The following TYRO3 variants were observed in gnomAD, a reference collection of about 807,000 sequenced individuals.
TYRO3 encodes the protein TYRO3 protein tyrosine kinase, also known as tyrosine-protein kinase receptor TYRO3.
In TYRO3, 38 loss-of-function variants were observed where a neutral mutation model predicts 95.2. The ratio of observed to expected loss-of-function variants is 0.40; its 90% CI spans 0.31 to 0.52. The LOEUF (loss-of-function observed/expected upper bound fraction) is 0.52, where lower values mean the gene tolerates loss of function less well. Among genes scored for constraint, TYRO3 ranks in the 20% least tolerant of loss-of-function variants. The pLI is 0.56. For missense variants in TYRO3, 812 were observed against 1,116.4 expected (o/e 0.73, Z 3.89); for synonymous variants, 367 against 432.9 (o/e 0.85, Z 1.89).
At chr15:41,562,233 C>G in intron 3 of TYRO3, 1 of 236,362 alleles carries the variant, frequency 4.2e-6, no homozygotes, top group Non-Finnish European at 8.1e-6. Context: ...TGCCTGTAGT[C>G]CCAGCTACTC....
intron 6 of TYRO3, among the ~76,000 whole-genome samples, chr15:41,565,728 C>T (rs147416926): frequency 3.5e-4 from 53 of 151,982 alleles, no homozygotes; most frequent in Non-Finnish European, 4.3e-4. Context: ...CACACCCAGA[C>T]GAGTTTTTCT....
Position 41,561,521 on chromosome 15 carries a change from C to G in TYRO3, c.309-18C>G. 1 of 1,561,600 alleles carries G rather than the reference C, an allele frequency of 6.4e-7. No individual in the cohort carries two copies. The highest frequency in any genetic ancestry group is 8.7e-7 in the Non-Finnish European group (1 of 1,152,920). ...CGCCCTTGCCCTCGGAAGCAAGCCT[C>G]GTATCCTGTTTCCACAGCCTGAAGT... On this transcript the variant is annotated intron_variant, in intron 2 of 18. Coordinates refer to ENST00000263798, the MANE Select transcript of TYRO3 (RefSeq NM_006293.4).
At position 41,570,246 on chromosome 15, in the gene TYRO3, C is replaced by T. The variant is rs1330086596; in HGVS notation, c.1389C>T (p.Ala463=). ...KRRKETRFGQ[A]FDSVMARGEP... is the part of the protein sequence containing the mutation. The stretch of plus-strand genomic sequence containing the variant: ...ATCCTGGGTTTTCCTTTAGGCAAGC[C>T]TTTGACAGTGTCATGGCCCGGGGAG... The change falls in exon 11 of 19, where the codon GCC becomes GCT. Residue 463 remains alanine, a synonymous_variant. Transcript: ENST00000263798. 1.9e-6 allele frequency: 3 copies of T among 1,613,380 alleles called. No homozygotes were observed. Among genetic ancestry groups the T allele is most frequent in the Non-Finnish European group, 2.5e-6 (3 of 1,179,648 alleles).
chr15:41,573,004 C>T lies in TYRO3; in HGVS notation c.1878C>T (p.Asn626=), dbSNP rs1231238709. The T allele has an allele frequency of 2.6e-5, 42 of 1,613,778 alleles. No individual in the cohort carries two copies. The highest frequency in any genetic ancestry group is 3.5e-5 in the Non-Finnish European group (41 of 1,179,776). The change falls in exon 16 of 19, where the codon AAC becomes AAT. Residue 626 remains asparagine, a splice_region_variant and synonymous_variant. Transcript: ENST00000263798. ...LASRIGENPF[N]LPLQTLIRFM... is the part of the protein sequence containing the mutation. ...AGCTTGGCCTGTCTGTCCACTAGAACCTACCCCTCCAGACCCTGATCCGGT... is the reference window on the plus strand; with the variant it reads ...AGCTTGGCCTGTCTGTCCACTAGAATCTACCCCTCCAGACCCTGATCCGGT...
chr15:41,562,515 C>A lies in TYRO3; in HGVS notation c.410-33C>A. On this transcript the variant is annotated intron_variant, in intron 3 of 18. Transcript: ENST00000263798. ...TGTACAGTAGGAAGCCAAGAGGTGGCAGGGCTCACTCCTCACTCCCCTTCT... is the reference window on the plus strand; with the variant it reads ...TGTACAGTAGGAAGCCAAGAGGTGGAAGGGCTCACTCCTCACTCCCCTTCT... 2.7e-6 allele frequency: 4 copies of A among 1,500,246 alleles called. No individual in the cohort carries two copies. In the East Asian group the frequency reaches 9.1e-5, roughly 34 times the overall value. The allele number at this position is 1,500,246 out of a possible 1,614,324, so 92.9% of individuals were successfully genotyped here. A position where few individuals can be genotyped will look rare whatever the true frequency, so the allele number is the denominator to read the frequency against.
At chr15:41,568,768 A>C in intron 8 of TYRO3, 110 bp from the exon 9 acceptor site, 1 of 1,311,210 alleles carries the variant, frequency 7.6e-7, no homozygotes, top group East Asian at 2.5e-5. Context: ...CTGAACCCAC[A>C]GTGCCCCTAT....
chr15:41,578,335 G>C lies in TYRO3; in HGVS notation c.*59G>C, dbSNP rs758857440. On this transcript the variant is annotated 3_prime_UTR_variant, in exon 19 of 19. Transcript: ENST00000263798. Reference sequence around the variant, plus strand: ...GGCTCTGGTGGCCACTGAGCTGGCTGACTAAGCCCCGTCTGACCCCAGCCC... The same window carrying C: ...GGCTCTGGTGGCCACTGAGCTGGCTCACTAAGCCCCGTCTGACCCCAGCCC... 1.2e-6 allele frequency: 2 copies of C among 1,600,402 alleles called. No homozygotes were observed.
Position 41,569,001 on chromosome 15 carries a change from G to A in TYRO3, c.1231G>A (p.Val411Ile). The change falls in exon 9 of 19, where the codon GTC (valine) becomes ATC (isoleucine). Residue 411 changes from valine (V) to isoleucine (I), a missense_variant. Val to Ile is a conservative substitution (Grantham distance 29, BLOSUM62 3). Transcript: ENST00000263798. ...GCGPWSQPLV[V>I]SSHDRAGQQG... is the part of the protein sequence containing the mutation. Reference sequence around the variant, plus strand: ...TGGACCCTGGAGTCAGCCACTGGTGGTCTCTTCTCATGACCGTGCAGGTGA... The same window carrying A: ...TGGACCCTGGAGTCAGCCACTGGTGATCTCTTCTCATGACCGTGCAGGTGA... 1 of 1,614,116 alleles carries A rather than the reference G, an allele frequency of 6.2e-7. No homozygotes were observed. The highest frequency in any genetic ancestry group is 8.5e-7 in the Non-Finnish European group (1 of 1,180,028).
chr15:41,560,393 A>ATGTGTGTGTGTGTG (rs369495054), intron 1 of TYRO3, among the ~76,000 whole-genome samples: 2,099 of 120,236 alleles, frequency 0.017, 19 homozygotes, highest in Non-Finnish European at 0.022. Flanking sequence ...AGGTGCGTGT[A>ATGTGTGTGTGTGTG]TGTGTGTGTG....
In TYRO3 at chr15:41,570,390, A is replaced by G. The variant is rs770016528; in HGVS notation, c.1483+50A>G. ...GGACAAATGGGCTGTCTTGTGCCCC[A>G]TCTGCATTCTTTTACCAAATTATTA... On this transcript the variant is annotated intron_variant, in intron 11 of 18. Coordinates refer to ENST00000263798, the MANE Select transcript of TYRO3 (RefSeq NM_006293.4). 7.7e-6 allele frequency: 11 copies of G among 1,420,542 alleles called. No individual in the cohort carries two copies. The East Asian group carries it at 2.5e-4, about 33-fold the overall frequency. 88.0% of individuals were successfully genotyped at this position (1,420,542 alleles called of 1,614,324 possible).
In TYRO3 at chr15:41,580,980, C is replaced by T. The variant is rs1409811599; in HGVS notation, c.*2704C>T. The T allele has an allele frequency of 2.0e-5, 3 of 151,768 alleles. No individual in the cohort carries two copies. The highest frequency in any genetic ancestry group is 7.3e-5 in the African/African-American group (3 of 41,326). 9.4% of individuals were successfully genotyped at this position (151,768 alleles called of 1,614,324 possible). On this transcript the variant is annotated 3_prime_UTR_variant, in exon 19 of 19. Coordinates refer to ENST00000263798, the MANE Select transcript of TYRO3 (RefSeq NM_006293.4). ...CTGAGGCGGGTGGATCACTTCAGGC[C>T]GGGAGTTCGAGACCAGCCTGGGCAA...
At position 41,573,480 on chromosome 15, in the gene TYRO3, GC is replaced by G. The variant is rs767901157; in HGVS notation, c.2145+16del. 6.2e-7 allele frequency: 1 copy of G among 1,614,122 alleles called. No individual in the cohort carries two copies. Among genetic ancestry groups the G allele is most frequent in the South Asian group, 1.1e-5 (1 of 91,072 alleles). On this transcript the variant is annotated intron_variant, in intron 17 of 18. Coordinates refer to ENST00000263798, the MANE Select transcript of TYRO3 (RefSeq NM_006293.4). The stretch of plus-strand genomic sequence containing the variant: ...GCAGAGTGACGTGGTGAGCAGGGTG[GC>G]CCGTGAAGCTTGGTGGGGACGAGTG...
chr15:41,572,812 G>A (rs1436363472), intron 15 of TYRO3, among the ~76,000 whole-genome samples, 190 bp from the exon 16 acceptor site: 1 of 152,216 alleles, frequency 6.6e-6, no homozygotes, highest in African/African-American at 2.4e-5. Flanking sequence ...CCCAGGGTGG[G>A]GGAGTCTCGT....
chr15:41,568,470 C>A, intron 8 of TYRO3, 108 bp downstream of exon 8: 1 of 1,162,656 alleles, frequency 8.6e-7, no homozygotes, highest in Non-Finnish European at 1.2e-6. Flanking sequence ...CTGGGTCTCC[C>A]GCAGCCCCAG....
chr15:41,571,149 AT>A, intron 13 of TYRO3, 31 bp downstream of exon 13: 2 of 1,608,058 alleles, frequency 1.2e-6, no homozygotes, highest in South Asian at 2.2e-5. Context: ...GCCTGAGGGC[AT>A]CACTTGGAAG....
intron 15 of TYRO3, 49 bp from the exon 16 acceptor site, chr15:41,572,953 C>A: frequency 7.8e-7 from 1 of 1,277,618 alleles, no homozygotes; most frequent in Non-Finnish European, 1.1e-6. Flanking sequence ...CCATCCTGCC[C>A]CAGCTGGGTG....
chr15:41,576,494 A>C (rs2055861975), intron 18 of TYRO3, among the ~76,000 whole-genome samples: 3 of 151,190 alleles, frequency 2.0e-5, no homozygotes, highest in Non-Finnish European at 2.9e-5. Flanking sequence ...TGCCCAACCA[A>C]TTTTTGTATT....
intron 9 of TYRO3, 60 bp from the exon 10 acceptor site, chr15:41,569,967 A>T (rs1268271686): frequency 6.4e-7 from 1 of 1,563,316 alleles, no homozygotes; most frequent in Non-Finnish European, 8.6e-7. Context: ...ATCCTGGGAA[A>T]GTTCTGAAGG....
chr15:41,564,852 T>G (rs2055701833), intron 5 of TYRO3, 174 bp from the exon 6 acceptor site: 1 of 602,790 alleles, frequency 1.7e-6, no homozygotes, highest in Non-Finnish European at 3.0e-6. Context: ...TGTGAGCAGC[T>G]GTGCCCTACT....
Sources: gnomAD v4.1 joint callset for allele counts (sites outside exome capture counted in the v4.1 genomes callset) on GRCh38, gnomAD v4.1.1 for gene constraint, MANE v1.5 for transcripts, NCBI Gene and HGNC (gene_info 2026-07-23, HGNC 2026-07-21) for gene names.